CSMD1: variants seen among roughly 807,000 people sequenced by gnomAD.
The protein encoded by CSMD1 is CUB and sushi domain-containing protein 1.
A neutral mutation model predicts 417.5 loss-of-function variants in CSMD1; 213 were observed. That is an observed-to-expected ratio of 0.51 (90% CI 0.46 to 0.57). The LOEUF (loss-of-function observed/expected upper bound fraction) is 0.57, where lower values mean the gene tolerates loss of function less well. CSMD1 is among the 20% of genes least tolerant of loss of function. The pLI, the probability that CSMD1 is intolerant of heterozygous loss-of-function variation, is 0.00. For synonymous variants in CSMD1, 2,862 were observed against 1,736.8 expected, an observed-to-expected ratio of 1.65 and a Z score of -16.11; for missense variants, 6,923 against 4,529.7, an observed-to-expected ratio of 1.53 and a Z score of -15.17.
chr8:3,651,261 C>G (rs1359600040), intron 7 of CSMD1, among the ~76,000 whole-genome samples: 1 of 152,124 alleles, frequency 6.6e-6, no homozygotes, highest in East Asian at 1.9e-4. Context: ...GTTGAAACAC[C>G]TCAAAGGATT....
At chr8:3,674,083 G>C (rs1302320048) in intron 7 of CSMD1, among the ~76,000 whole-genome samples, 1 of 152,024 alleles carries the variant, frequency 6.6e-6, no homozygotes, top group Non-Finnish European at 1.5e-5. Context: ...TCCAGCTTGA[G>C]TGACAGAGTG....
chr8:3,921,932 T>C (rs977019810), intron 5 of CSMD1, among the ~76,000 whole-genome samples: 3 of 152,132 alleles, frequency 2.0e-5, no homozygotes, highest in African/African-American at 7.2e-5. Flanking sequence ...GTACATTGCT[T>C]TCTTATTGAT....
At chr8:4,309,127 G>A (rs999236528) in intron 3 of CSMD1, among the ~76,000 whole-genome samples, 2 of 152,126 alleles carry the variant, frequency 1.3e-5, no homozygotes, top group South Asian at 2.1e-4. Context: ...ATGTCAGGGT[G>A]TACTTTGCAC....
At chr8:4,873,962 T>C (rs1263527198) in intron 1 of CSMD1, among the ~76,000 whole-genome samples, 2 of 152,148 alleles carry the variant, frequency 1.3e-5, no homozygotes, top group East Asian at 3.8e-4. Context: ...TATTTCAAGC[T>C]ATAAATATGC....
At chr8:4,766,157 G>C (rs1223417261) in intron 1 of CSMD1, among the ~76,000 whole-genome samples, 1 of 152,176 alleles carries the variant, frequency 6.6e-6, no homozygotes, top group Non-Finnish European at 1.5e-5. Context: ...TTGTGTACTA[G>C]TCCTGTAGAC....
chr8:4,581,172 T>C (rs1344625652), intron 2 of CSMD1, among the ~76,000 whole-genome samples: 1 of 152,244 alleles, frequency 6.6e-6, no homozygotes, highest in South Asian at 2.1e-4. Flanking sequence ...CAAATTTCTA[T>C]TTTAGAATTT....
chr8:3,408,020 G>A lies in CSMD1; in HGVS notation c.1950C>T (p.Val650=), dbSNP rs191152555. ...VKDDGISDIT[V]LGTFSGNEVP... ...CTTCATTGCCAGAAAAAGTACCCAG[G>A]ACAGTTATGTCAGAAATGCCATCAT... The change falls in exon 14 of 70, where the codon GTC becomes GTT. Residue 650 remains valine (V), a synonymous_variant. Transcript: ENST00000635120. 14 of 1,613,908 alleles carry A rather than the reference G, an allele frequency of 8.7e-6. No homozygotes were observed. The East Asian group carries it at 2.7e-4, about 31-fold the overall frequency.
chr8:3,685,250 G>C (rs1343909632), intron 7 of CSMD1, among the ~76,000 whole-genome samples: 2 of 152,148 alleles, frequency 1.3e-5, no homozygotes, highest in African/African-American at 4.8e-5. Flanking sequence ...ATAAAATAAA[G>C]TTGCCTCAGG....
At chr8:3,554,968 C>G (rs201779636) in intron 10 of CSMD1, among the ~76,000 whole-genome samples, 4 of 152,054 alleles carry the variant, frequency 2.6e-5, no homozygotes, top group Admixed American at 6.5e-5. Context: ...GCCCAGACAC[C>G]TGGGCTCTTG....
chr8:3,756,228 C>G (rs1399774281), intron 5 of CSMD1, among the ~76,000 whole-genome samples: 1 of 151,886 alleles, frequency 6.6e-6, no homozygotes, highest in Admixed American at 6.6e-5. Context: ...TGGCGGGCGC[C>G]TGTAGTCCCA....
chr8:4,041,982 T>A (rs933507842), intron 3 of CSMD1, among the ~76,000 whole-genome samples: 1 of 151,748 alleles, frequency 6.6e-6, no homozygotes, highest in Non-Finnish European at 1.5e-5. Flanking sequence ...AAAAGAAAGA[T>A]TTCCAAGCAA....
intron 5 of CSMD1, among the ~76,000 whole-genome samples, chr8:3,910,991 G>A (rs751628946): frequency 6.6e-6 from 1 of 152,184 alleles, no homozygotes; most frequent in Non-Finnish European, 1.5e-5. Context: ...TTACAAGACA[G>A]ATGTGGCCAA....
At chr8:3,881,504 G>C (rs1310658950) in intron 5 of CSMD1, among the ~76,000 whole-genome samples, 4 of 150,708 alleles carry the variant, frequency 2.7e-5, no homozygotes. Context: ...GGGCGTAGTG[G>C]TGGGTGCCTG....
intron 1 of CSMD1, among the ~76,000 whole-genome samples, chr8:4,688,419 A>T (rs562018107): frequency 1.3e-4 from 20 of 152,278 alleles, no homozygotes; most frequent in Non-Finnish European, 2.4e-4. Context: ...CTGCTATACC[A>T]AACCAAGAAG....
chr8:3,122,586 G>C (rs975254823), intron 41 of CSMD1, among the ~76,000 whole-genome samples: 2 of 152,154 alleles, frequency 1.3e-5, no homozygotes, highest in African/African-American at 4.8e-5. Context: ...GGAGGTAATT[G>C]CATCAGAGGG....
chr8:3,723,221 C>G, intron 6 of CSMD1, among the ~76,000 whole-genome samples: 1 of 152,136 alleles, frequency 6.6e-6, no homozygotes, highest in East Asian at 1.9e-4. Context: ...GGACCCTTCC[C>G]TGCCTTGTGA....
At chr8:3,366,046 G>C (rs958608877) in intron 20 of CSMD1, among the ~76,000 whole-genome samples, 1 of 152,172 alleles carries the variant, frequency 6.6e-6, no homozygotes, top group Non-Finnish European at 1.5e-5. Flanking sequence ...GAATTTATGA[G>C]ATCTCAAAAG....
intron 23 of CSMD1, among the ~76,000 whole-genome samples, chr8:3,340,124 T>C (rs1807550830): frequency 6.6e-6 from 1 of 152,172 alleles, no homozygotes; most frequent in African/African-American, 2.4e-5. Context: ...TCACCGAAAA[T>C]CGTTGAAAAT....
chr8:3,096,585 C>G (rs1000394341), intron 47 of CSMD1, among the ~76,000 whole-genome samples: 5 of 152,124 alleles, frequency 3.3e-5, no homozygotes, highest in East Asian at 3.9e-4. Context: ...TCCATTAAAT[C>G]TCTTTTTCTT....
Sources: gnomAD v4.1 joint callset for allele counts (sites outside exome capture counted in the v4.1 genomes callset) on GRCh38, gnomAD v4.1.1 for gene constraint, MANE v1.5 for transcripts, NCBI Gene and HGNC (gene_info 2026-07-23, HGNC 2026-07-21) for gene names.